The following EPN2 variants were observed in gnomAD, a reference collection of about 807,000 sequenced individuals.
EPN2 encodes epsin-2.
A neutral mutation model predicts 61.7 loss-of-function variants in EPN2; 34 were observed. That is an observed-to-expected ratio of 0.55 (90% CI 0.42 to 0.73). The LOEUF is 0.73. Among genes scored for constraint, EPN2 ranks in the 30% least tolerant of loss-of-function variants. EPN2 has a pLI of 0.00. For synonymous variants in EPN2, 349 were observed against 353.6 expected, an observed-to-expected ratio of 0.99 and a Z score of 0.15; for missense variants, 714 against 839.2, an observed-to-expected ratio of 0.85 and a Z score of 1.84.
At chr17:19,275,609 T>C (rs2045298127) in intron 1 of EPN2, among the ~76,000 whole-genome samples, 1 of 152,210 alleles carries the variant, frequency 6.6e-6, no homozygotes, top group African/African-American at 2.4e-5. Flanking sequence ...ATCACTGATG[T>C]AGCTGCTGGG....
At position 19,283,925 on chromosome 17, in the gene EPN2, A is replaced by G. The variant is rs2045381199; in HGVS notation, c.595+211A>G. 6.6e-6 allele frequency among the ~76,000 whole-genome samples: 1 copy of G among 152,174 alleles called. No individual in the cohort carries two copies. Among genetic ancestry groups the G allele is most frequent in the Admixed American group, 6.5e-5 (1 of 15,284 alleles). ...TTTAGTCCCTTGGCTGCTCTGGTTCAGGGATCTCTAACGCCCTTTGCTGCT... is the reference window on the plus strand; with the variant it reads ...TTTAGTCCCTTGGCTGCTCTGGTTCGGGGATCTCTAACGCCCTTTGCTGCT... On this transcript the variant is annotated intron_variant, in intron 3 of 10. Coordinates refer to ENST00000314728, the MANE Select transcript of EPN2 (RefSeq NM_014964.5). This position sits in a 1 kb window ranked among gnomAD's most constrained non-coding sequence, Gnocchi z 7.0.
At chr17:19,298,866 C>T (rs991678080) in intron 4 of EPN2, among the ~76,000 whole-genome samples, 3 of 146,008 alleles carry the variant, frequency 2.1e-5, no homozygotes, top group Non-Finnish European at 4.5e-5. Context: ...ACTGTTAATT[C>T]TTATGATCAG....
At position 19,313,191 on chromosome 17, in the gene EPN2, C is replaced by A. The variant is rs751847236; in HGVS notation, c.1059C>A (p.Pro353=). ...SSGPAAQKAE[P]WGPSASTNQT... ...GCCCCGCGGCCCAGAAAGCAGAGCC[C>A]TGGGGCCCGTCAGCCTCCACTAACC... The change falls in exon 7 of 11, where the codon CCC becomes CCA. Residue 353 remains proline, a synonymous_variant. Coordinates refer to ENST00000314728, the MANE Select transcript of EPN2 (RefSeq NM_014964.5). 3.7e-6 allele frequency: 6 copies of A among 1,612,850 alleles called. No individual in the cohort carries two copies. Among genetic ancestry groups the A allele is most frequent in the Non-Finnish European group, 5.1e-6 (6 of 1,179,512 alleles).
chr17:19,329,010 T>G, intron 8 of EPN2, 123 bp downstream of exon 8: 1 of 843,770 alleles, frequency 1.2e-6, no homozygotes, highest in Non-Finnish European at 1.8e-6. Context: ...TCCTCCCCCT[T>G]AGCCTTTGTT....
chr17:19,279,465 G>C (rs1389729091), intron 1 of EPN2, among the ~76,000 whole-genome samples: 1 of 151,068 alleles, frequency 6.6e-6, no homozygotes, highest in Non-Finnish European at 1.5e-5. Context: ...TTGAGACAGA[G>C]TCTCACTGTG....
At chr17:19,305,126 T>TG (rs904166243) in intron 4 of EPN2, among the ~76,000 whole-genome samples, 7 of 145,044 alleles carry the variant, frequency 4.8e-5, no homozygotes, top group African/African-American at 1.5e-4. Flanking sequence ...GGTTTTTTTT[T>TG]TTTTTTTTTT....
At position 19,283,332 on chromosome 17, in the gene EPN2, G is replaced by A; in HGVS notation, c.213G>A (p.Trp71Ter). ...GGCTGAATGACCATGGCAAGAACTG[G>A]CGGCATGTGTACAAGGCGCTGACCC... ...WKRLNDHGKN[W>*]RHVYKALTLL... Residue 71 changes from tryptophan to a stop codon, truncating the protein, a stop_gained, in exon 3 of 11, where the codon TGG (tryptophan) becomes TGA (stop). Coordinates refer to ENST00000314728, the MANE Select transcript of EPN2 (RefSeq NM_014964.5). LOFTEE classifies it high-confidence loss of function. The surrounding 1 kb of genome is among the most constrained non-coding windows in gnomAD (Gnocchi z 7.0). 1 of 1,614,144 alleles carries A rather than the reference G, an allele frequency of 6.2e-7. No individual in the cohort carries two copies. Among genetic ancestry groups the A allele is most frequent in the Non-Finnish European group, 8.5e-7 (1 of 1,180,022 alleles).
chr17:19,257,397 G>T (rs1227788431), intron 1 of EPN2, among the ~76,000 whole-genome samples: 1 of 152,194 alleles, frequency 6.6e-6, no homozygotes, highest in African/African-American at 2.4e-5. Flanking sequence ...AGAAAATTCG[G>T]AAAGTATGCC....
intron 1 of EPN2, among the ~76,000 whole-genome samples, chr17:19,245,561 C>T (rs886815543): frequency 8.6e-5 from 13 of 151,718 alleles, no homozygotes; most frequent in Non-Finnish European, 1.5e-4. Context: ...CTCAGCCTCC[C>T]GAGTAGCTGG....
chr17:19,246,731 T>G (rs538174223), intron 1 of EPN2, among the ~76,000 whole-genome samples: 44 of 150,136 alleles, frequency 2.9e-4, no homozygotes, highest in South Asian at 2.8e-3. Flanking sequence ...GTTTTGTTTT[T>G]TTTTTCCCCC....
Position 19,335,348 on chromosome 17 carries a change from T to A in EPN2, c.*1094T>A. 1 of 1,511,920 alleles carries A rather than the reference T, an allele frequency of 6.6e-7. No individual in the cohort carries two copies. The highest frequency in any genetic ancestry group is 8.9e-7 in the Non-Finnish European group (1 of 1,120,224). 93.7% of individuals were successfully genotyped at this position (1,511,920 alleles called of 1,614,324 possible). On this transcript the variant is annotated 3_prime_UTR_variant, in exon 11 of 11. Coordinates refer to ENST00000314728, the MANE Select transcript of EPN2 (RefSeq NM_014964.5). ...ATCCTGAAAGTTAAAGAAAAAAATC[T>A]AATGTATGAATGTGACTCACCAATT...
chr17:19,313,445 T>G (rs1480890662), intron 7 of EPN2, 166 bp downstream of exon 7: 6 of 499,222 alleles, frequency 1.2e-5, no homozygotes, highest in Non-Finnish European at 1.7e-5. Context: ...CCCTCCTCCT[T>G]GAGGATGGTG....
chr17:19,285,779 G>T lies in EPN2; in HGVS notation c.755G>T (p.Arg252Leu). Reference protein sequence around the residue: ...DWSQPCLTCDRAARATSPRVS... With the variant: ...DWSQPCLTCDLAARATSPRVS... ...TCCCAGCCCTGCCTCACTTGTGACC[G>T]CGCAGCCCGAGGTGGGACGGCGGTT... Residue 252 changes from arginine (R) to leucine (L), a missense_variant, in exon 4 of 11, where the codon CGC becomes CTC. By Grantham distance (102) the Arg-to-Leu change is moderately radical. Coordinates refer to ENST00000314728, the MANE Select transcript of EPN2 (RefSeq NM_014964.5). This position sits in a 1 kb window ranked among gnomAD's most constrained non-coding sequence, Gnocchi z 4.5. 6.3e-7 allele frequency: 1 copy of T among 1,598,072 alleles called. No individual in the cohort carries two copies. Among genetic ancestry groups the T allele is most frequent in the Non-Finnish European group, 8.5e-7 (1 of 1,172,092 alleles).
chr17:19,294,274 C>G (rs1403573801), intron 4 of EPN2, among the ~76,000 whole-genome samples: 1 of 150,146 alleles, frequency 6.7e-6, no homozygotes, highest in East Asian at 2.0e-4. Flanking sequence ...AAAAATTAAC[C>G]AGGCATGGTG....
Position 19,237,396 on chromosome 17 carries a change from A to G in EPN2, c.-429A>G, listed in dbSNP as rs2152194612. 6.6e-6 allele frequency: 1 copy of G among 152,050 alleles called. No homozygotes were observed. The highest frequency in any genetic ancestry group is 2.0e-4 in the East Asian group (1 of 5,118). The allele number at this position is 152,050 out of a possible 1,614,324, so 9.4% of individuals were successfully genotyped here. ...TCCGGCGCGCCCCCTCCCGGCCGCC[A>G]TGTTGGCTGGTGTGTGGGTGTCAAA... is the stretch of plus-strand genomic sequence containing the variant. On this transcript the variant is annotated 5_prime_UTR_variant, in exon 1 of 11. An upstream start codon of the reference 5' UTR is lost. Transcript: ENST00000314728.
Position 19,329,630 on chromosome 17 carries a change from G to A in EPN2, c.1394G>A (p.Arg465Gln), listed in dbSNP as rs752642227. The part of the protein sequence containing the change: ...KDDFSEFDNL[R>Q]TSKKTAESVT... ...GACTTTTCTGAATTTGACAACCTTC[G>A]GACTTCAAAAAAAACAGGTATGTAC... The change falls in exon 9 of 11, where the codon CGG becomes CAG. Residue 465 changes from arginine to glutamine, a missense_variant. By Grantham distance (43) the Arg-to-Gln change is conservative (BLOSUM62 1). This residue lies in a region of EPN2 where 410 missense variants were observed against 421.8 expected (regional missense o/e 0.97). Transcript: ENST00000314728. 19 of 1,609,906 alleles carry A rather than the reference G, an allele frequency of 1.2e-5. No individual in the cohort carries two copies. Among genetic ancestry groups the A allele is most frequent in the East Asian group, 1.1e-4 (5 of 44,858 alleles).
chr17:19,289,632 G>T (rs1374976254), intron 4 of EPN2, among the ~76,000 whole-genome samples: 2 of 151,812 alleles, frequency 1.3e-5, no homozygotes, highest in South Asian at 2.1e-4. Context: ...GAGTTGGGGG[G>T]AGAATTCTGG....
intron 5 of EPN2, among the ~76,000 whole-genome samples, chr17:19,311,769 A>C (rs951490615): frequency 5.3e-5 from 8 of 152,178 alleles, no homozygotes; most frequent in Non-Finnish European, 1.0e-4. Flanking sequence ...AGAAAAAAAT[A>C]TTTTAGATTA....
intron 9 of EPN2, among the ~76,000 whole-genome samples, chr17:19,330,148 C>T (rs1907089441): frequency 6.6e-6 from 1 of 152,142 alleles, no homozygotes; most frequent in Non-Finnish European, 1.5e-5. Flanking sequence ...CAGGTGGATG[C>T]AGTGGGCCAA....
Sources: gnomAD v4.1 joint callset for allele counts (sites outside exome capture counted in the v4.1 genomes callset) on GRCh38, gnomAD v4.1.1 for gene constraint, gnomAD v4.1.1 regional missense constraint, Gnocchi (gnomAD v3.1) non-coding constraint, MANE v1.5 for transcripts, NCBI Gene and HGNC (gene_info 2026-07-23, HGNC 2026-07-21) for gene names.